GATAD2A: variants seen among roughly 807,000 people sequenced by gnomAD.
The protein encoded by GATAD2A is GATA zinc finger domain containing 2A, also known as transcriptional repressor p66-alpha.
Under a neutral mutation model 68.5 loss-of-function variants are expected in GATAD2A, and 12 were observed. The observed-to-expected ratio is 0.18, with a 90% CI of 0.11 to 0.28. The LOEUF is 0.28. Among genes scored for constraint, GATAD2A ranks in the 10% least tolerant of loss-of-function variants. GATAD2A has a pLI of 1.00. For missense variants in GATAD2A, 755 were observed against 868.5 expected, an observed-to-expected ratio of 0.87 and a Z score of 1.64; for synonymous variants, 410 against 375.3, an observed-to-expected ratio of 1.09 and a Z score of -1.07.
chr19:19,485,437 T>A (rs970326491), intron 2 of GATAD2A, among the ~76,000 whole-genome samples: 2 of 152,218 alleles, frequency 1.3e-5, no homozygotes, highest in Non-Finnish European at 2.9e-5. Context: ...CACTCACATG[T>A]GATGGCCAAA....
chr19:19,474,218 G>C, intron 2 of GATAD2A: 2 of 953,600 alleles, frequency 2.1e-6, no homozygotes, highest in Non-Finnish European at 2.5e-6. Context: ...GGGAGAGGAG[G>C]GTGAGGTCGA....
At chr19:19,411,953 T>G (rs2050980849) in intron 1 of GATAD2A, among the ~76,000 whole-genome samples, 1 of 152,002 alleles carries the variant, frequency 6.6e-6, no homozygotes, top group Non-Finnish European at 1.5e-5. Context: ...AAGAGTCAGG[T>G]CAAGGCCGGG....
At chr19:19,422,234 C>A (rs1041880290) in intron 1 of GATAD2A, among the ~76,000 whole-genome samples, 1 of 152,198 alleles carries the variant, frequency 6.6e-6, no homozygotes, top group African/African-American at 2.4e-5. Context: ...CCATTTGAGG[C>A]AGAAACAGCA....
intron 10 of GATAD2A, 70 bp from the exon 11 acceptor site, chr19:19,502,261 C>A: frequency 1.6e-6 from 2 of 1,238,734 alleles, no homozygotes; most frequent in Non-Finnish European, 2.3e-6. Context: ...CAAGGAGAGG[C>A]TGCGCTGAGT....
intron 1 of GATAD2A, among the ~76,000 whole-genome samples, chr19:19,422,648 T>C (rs2052558857): frequency 6.6e-6 from 1 of 152,180 alleles, no homozygotes; most frequent in African/African-American, 2.4e-5. Flanking sequence ...TGTCTGATAC[T>C]ATACATTGTC....
At position 19,412,526 on chromosome 19, in the gene GATAD2A, C is replaced by T. The variant is rs536147823; in HGVS notation, c.-7+6507C>T. Among the ~76,000 whole-genome samples the T allele has an allele frequency of 5.3e-5, 8 of 151,562 alleles. No individual in the cohort carries two copies. The South Asian group carries it at 6.3e-4, about 12-fold the overall frequency. ...ATGCATCTGTAGGCCCTGCTACTTG[C>T]GAGGCTGAGATGGGAGGATCGGTTG... is the stretch of plus-strand genomic sequence containing the variant. On this transcript the variant is annotated intron_variant, in intron 1 of 11. Transcript: ENST00000683918.
chr19:19,436,513 GC>G (rs2054368220), intron 1 of GATAD2A, among the ~76,000 whole-genome samples: 2 of 152,228 alleles, frequency 1.3e-5, no homozygotes, highest in Admixed American at 1.3e-4. Flanking sequence ...GATAATCCTG[GC>G]CAGTGGCCTT....
intron 2 of GATAD2A, among the ~76,000 whole-genome samples, chr19:19,472,099 G>T (rs987135631): frequency 4.6e-5 from 7 of 152,138 alleles, no homozygotes; most frequent in Non-Finnish European, 1.0e-4. Context: ...GGTTTATTAT[G>T]TTCCCCAGAC....
rs2050173504 is a variant in GATAD2A, at chr19:19,405,930, C to T, written c.-96C>T. 6.8e-6 allele frequency: 1 copy of T among 147,140 alleles called. No homozygotes were observed. Among genetic ancestry groups the T allele is most frequent in the Non-Finnish European group, 1.5e-5 (1 of 66,280 alleles). The allele number at this position is 147,140 out of a possible 1,614,324, so 9.1% of individuals were successfully genotyped here. A position where few individuals can be genotyped will look rare whatever the true frequency, so the allele number is the denominator to read the frequency against. On this transcript the variant is annotated 5_prime_UTR_variant, in exon 1 of 12. Transcript: ENST00000683918. ...AGCGCGCGCGGCCCGGCGTCCCCGG[C>T]CCCTCCGCCGCCCGGCCCCGCGGGC...
Position 19,465,446 on chromosome 19 carries a change from G to T in GATAD2A, c.101G>T (p.Gly34Val), listed in dbSNP as rs1356068498. ...VESKKIKMER[G>V]LLASDLNTDG... ...AGCAAGAAAATAAAAATGGAGAGAG[G>T]ATTGTTGGCTTCAGATTTAAACACT... Residue 34 changes from glycine (G) to valine (V), a missense_variant, in exon 2 of 12, where the codon GGA (glycine) becomes GTA (valine). Physicochemically the swap from Gly to Val is moderately radical, Grantham distance 109 (BLOSUM62 -3). Coordinates refer to ENST00000683918, the MANE Select transcript of GATAD2A (RefSeq NM_001384528.1). 6.2e-7 allele frequency: 1 copy of T among 1,613,884 alleles called. No individual in the cohort carries two copies. Among genetic ancestry groups the T allele is most frequent in the Non-Finnish European group, 8.5e-7 (1 of 1,179,744 alleles).
intron 1 of GATAD2A, among the ~76,000 whole-genome samples, chr19:19,431,017 G>A (rs1468699084): frequency 1.4e-5 from 2 of 147,742 alleles, no homozygotes; most frequent in Non-Finnish European, 3.0e-5. Flanking sequence ...GTGTGTGTGT[G>A]TAGTACCCAG....
chr19:19,459,005 T>C (rs1230515472), intron 1 of GATAD2A, among the ~76,000 whole-genome samples: 1 of 152,138 alleles, frequency 6.6e-6, no homozygotes, highest in East Asian at 1.9e-4. Context: ...ATGGCCTCAC[T>C]ATGTTGCCCA....
At position 19,494,230 on chromosome 19, in the gene GATAD2A, C is replaced by T. The variant is rs940382351; in HGVS notation, c.535-64C>T. The T allele has an allele frequency of 2.1e-4, 183 of 869,914 alleles. 1 individual carries two copies. The highest frequency in any genetic ancestry group is 2.2e-5 in the Non-Finnish European group (12 of 536,068). The allele number at this position is 869,914 out of a possible 1,614,324, so 53.9% of individuals were successfully genotyped here. A position where few individuals can be genotyped will look rare whatever the true frequency, so the allele number is the denominator to read the frequency against. ...CTTCGGCAGCATTAAATCTTGGCAA[C>T]TCCGTGTGAGGAGAGGGACCGGCCC... On this transcript the variant is annotated intron_variant, in intron 4 of 11. Transcript: ENST00000683918.
chr19:19,420,093 C>G (rs2052176585), intron 1 of GATAD2A, among the ~76,000 whole-genome samples: 1 of 145,704 alleles, frequency 6.9e-6, no homozygotes, highest in Non-Finnish European at 1.5e-5. Context: ...TCACTGCAAC[C>G]TCTACTTCCC....
chr19:19,395,409 C>T (rs867626159), intron 1 of GATAD2A, among the ~76,000 whole-genome samples: 2 of 151,854 alleles, frequency 1.3e-5, no homozygotes, highest in African/African-American at 4.8e-5. Context: ...GAGCTGAGAT[C>T]ATGCCACTGC....
intron 2 of GATAD2A, among the ~76,000 whole-genome samples, chr19:19,485,115 CAG>C (rs1165450845): frequency 2.0e-5 from 3 of 152,206 alleles, no homozygotes; most frequent in South Asian, 4.1e-4. Context: ...GTCCCTCTGT[CAG>C]GGGGTGCTTT....
intron 1 of GATAD2A, among the ~76,000 whole-genome samples, chr19:19,446,565 A>G (rs916802478): frequency 4.0e-5 from 6 of 149,340 alleles, no homozygotes; most frequent in African/African-American, 1.5e-4. Context: ...TCTTTTTTTG[A>G]TATTGTGCTT....
At position 19,502,159 on chromosome 19, in the gene GATAD2A, C is replaced by G; in HGVS notation, c.1578+116C>G. On this transcript the variant is annotated intron_variant, in intron 10 of 11. Coordinates refer to ENST00000683918, the MANE Select transcript of GATAD2A (RefSeq NM_001384528.1). Reference sequence around the variant, plus strand: ...TGTCTCTCCCTGTTTCTGTTTCACTCTCTCCCCTCCCCCACCCCTCTGTGT... The same window carrying G: ...TGTCTCTCCCTGTTTCTGTTTCACTGTCTCCCCTCCCCCACCCCTCTGTGT... The G allele has an allele frequency of 1.7e-5, 15 of 902,078 alleles. No homozygotes were observed. The South Asian group carries it at 2.0e-4, about 12-fold the overall frequency. 55.9% of individuals were successfully genotyped at this position (902,078 alleles called of 1,614,324 possible). A position where few individuals can be genotyped will look rare whatever the true frequency, so the allele number is the denominator to read the frequency against.
At position 19,405,761 on chromosome 19, in the gene GATAD2A, C is replaced by T. The variant is rs1240723744; in HGVS notation, c.-265C>T. 1 of 150,966 alleles carries T rather than the reference C, an allele frequency of 6.6e-6. No individual in the cohort carries two copies. Among genetic ancestry groups the T allele is most frequent in the Non-Finnish European group, 1.5e-5 (1 of 67,676 alleles). 9.4% of individuals were successfully genotyped at this position (150,966 alleles called of 1,614,324 possible). On this transcript the variant is annotated 5_prime_UTR_variant, in exon 1 of 12. Transcript: ENST00000683918. ...GGGGCCGCGGGCCGGGCGCGCTGACCTGGTGCGCATGTCCCGGGCGGTGAC... is the reference window on the plus strand; with the variant it reads ...GGGGCCGCGGGCCGGGCGCGCTGACTTGGTGCGCATGTCCCGGGCGGTGAC...
Sources: allele counts gnomAD v4.1 joint callset (sites outside exome capture counted in the v4.1 genomes callset), GRCh38; gene constraint gnomAD v4.1.1; transcripts MANE v1.5; gene names NCBI Gene and HGNC (gene_info 2026-07-23, HGNC 2026-07-21).